Variants in ERC2 observed in about 807,000 individuals in gnomAD.
ERC2 encodes the protein ERC protein 2.
Under a neutral mutation model 114.8 loss-of-function variants are expected in ERC2, and 42 were observed. The ratio of observed to expected loss-of-function variants is 0.37; its 90% confidence interval spans 0.29 to 0.47. The LOEUF (loss-of-function observed/expected upper bound fraction) is 0.47. Among genes scored for constraint, ERC2 ranks in the 20% least tolerant of loss-of-function variants. The pLI, the probability that ERC2 is intolerant of heterozygous loss-of-function variation, is 0.99. For missense variants in ERC2, 939 were observed against 1,150.7 expected (o/e 0.82, Z 2.66); for synonymous variants, 454 against 425.5 (o/e 1.07, Z -0.82).
chr3:56,090,405 C>G (rs566463194), intron 6 of ERC2, among the ~76,000 whole-genome samples: 126 of 151,422 alleles, frequency 8.3e-4, no homozygotes, highest in Non-Finnish European at 1.5e-3. Context: ...TTGTGCCAGG[C>G]AACATTCTAG....
chr3:56,317,561 T>C (rs954344278), intron 2 of ERC2, among the ~76,000 whole-genome samples: 11 of 152,204 alleles, frequency 7.2e-5, no homozygotes, highest in Non-Finnish European at 1.6e-4. Flanking sequence ...ATTTTAATGA[T>C]AATCTAAAAA....
At chr3:55,833,363 G>A (rs1037751560) in intron 14 of ERC2, among the ~76,000 whole-genome samples, 1 of 151,172 alleles carries the variant, frequency 6.6e-6, no homozygotes, top group Non-Finnish European at 1.5e-5. Context: ...CAGAGAGAAA[G>A]GTCGGGTTAC....
intron 3 of ERC2, among the ~76,000 whole-genome samples, chr3:56,190,170 G>C (rs1022283554): frequency 2.0e-5 from 3 of 152,120 alleles, no homozygotes; most frequent in Non-Finnish European, 4.4e-5. Flanking sequence ...TGGTAACAGT[G>C]GTCCCTTCCT....
chr3:56,444,628 G>A (rs1247494547), intron 1 of ERC2, among the ~76,000 whole-genome samples: 1 of 152,166 alleles, frequency 6.6e-6, no homozygotes, highest in Non-Finnish European at 1.5e-5. Context: ...GGAAAAAGCA[G>A]GGGAGAACCT....
intron 1 of ERC2, among the ~76,000 whole-genome samples, chr3:56,448,342 A>T (rs2062676225): frequency 6.6e-6 from 1 of 152,254 alleles, no homozygotes; most frequent in African/African-American, 2.4e-5. Flanking sequence ...ATACATTTAA[A>T]GTTATAAACT....
chr3:55,687,013 G>C (rs1000709703), intron 16 of ERC2, among the ~76,000 whole-genome samples: 5 of 152,202 alleles, frequency 3.3e-5, no homozygotes, highest in Non-Finnish European at 7.3e-5. Context: ...AATAACCTCA[G>C]GACACATCTA....
chr3:56,409,438 T>TA, intron 2 of ERC2, among the ~76,000 whole-genome samples: 1 of 149,112 alleles, frequency 6.7e-6, no homozygotes, highest in Non-Finnish European at 1.5e-5. Context: ...ATGCTAAAAT[T>TA]AAAATTTATG....
intron 8 of ERC2, among the ~76,000 whole-genome samples, chr3:56,016,677 C>T (rs1221947702): frequency 6.6e-6 from 1 of 151,972 alleles, no homozygotes; most frequent in Non-Finnish European, 1.5e-5. Flanking sequence ...AGAAGAGAAG[C>T]CTCCTTTAGG....
rs568548802 is a variant in ERC2, at chr3:56,443,402, A to G, written c.-140-8255T>C. Reference sequence around the variant, plus strand: ...TATTTGGGAATTAGTTTCTCCCACAAAATTTATAAAGAGCAGGGGTGGTTT... The same window carrying G: ...TATTTGGGAATTAGTTTCTCCCACAGAATTTATAAAGAGCAGGGGTGGTTT... On this transcript the variant is annotated intron_variant, in intron 1 of 17. Transcript: ENST00000288221. Among the ~76,000 whole-genome samples, 14 of 152,320 alleles carry G rather than the reference A, an allele frequency of 9.2e-5. 1 individual carries two copies. The South Asian group carries it at 2.7e-3, about 29-fold the overall frequency.
intron 3 of ERC2, among the ~76,000 whole-genome samples, chr3:56,213,647 T>G (rs2049235125): frequency 1.3e-5 from 2 of 152,206 alleles, no homozygotes; most frequent in African/African-American, 4.8e-5. Context: ...TGTCCCTGTC[T>G]GACAGCTTGG....
intron 3 of ERC2, among the ~76,000 whole-genome samples, chr3:56,200,344 A>AC (rs1553874962): frequency 1.1e-5 from 1 of 92,982 alleles, no homozygotes; most frequent in Non-Finnish European, 2.4e-5. Context: ...TCAAATACTC[A>AC]GGGGAAAAAA....
intron 17 of ERC2, among the ~76,000 whole-genome samples, chr3:55,527,161 A>G (rs2053376911): frequency 2.0e-5 from 3 of 152,234 alleles, no homozygotes; most frequent in Non-Finnish European, 2.9e-5. Flanking sequence ...TTTGAGTCCA[A>G]TCGTGGCTTA....
chr3:55,871,565 C>T (rs1038358533), intron 14 of ERC2, among the ~76,000 whole-genome samples: 1 of 152,102 alleles, frequency 6.6e-6, no homozygotes, highest in East Asian at 1.9e-4. Flanking sequence ...CTTCAAAATC[C>T]GGAAGAGGCA....
chr3:56,281,436 CAAAAAAAAAAAAA>C (rs71099629), intron 3 of ERC2, among the ~76,000 whole-genome samples: 3 of 47,526 alleles, frequency 6.3e-5, no homozygotes, highest in African/African-American at 2.7e-4. Flanking sequence ...GACTCCGTCT[CAAAAAAAAAAAAA>C]AAAAAAAAAA....
chr3:56,131,197 T>C (rs1199559438), intron 6 of ERC2, among the ~76,000 whole-genome samples: 2 of 152,194 alleles, frequency 1.3e-5, no homozygotes, highest in Non-Finnish European at 2.9e-5. Context: ...TGCAGGTTTA[T>C]GTCTTTTTCT....
chr3:55,900,680 T>C (rs574192091), intron 13 of ERC2, among the ~76,000 whole-genome samples: 1 of 152,190 alleles, frequency 6.6e-6, no homozygotes, highest in Non-Finnish European at 1.5e-5. Flanking sequence ...GGCTTCCCTA[T>C]ATGTCACCTT....
At chr3:55,930,282 A>G (rs1438553360) in intron 13 of ERC2, among the ~76,000 whole-genome samples, 1 of 152,174 alleles carries the variant, frequency 6.6e-6, no homozygotes, top group Non-Finnish European at 1.5e-5. Flanking sequence ...ACCCAGTCTC[A>G]GGTAGTTTTT....
At chr3:56,167,622 T>G (rs927106567) in intron 4 of ERC2, among the ~76,000 whole-genome samples, 2 of 152,134 alleles carry the variant, frequency 1.3e-5, no homozygotes, top group East Asian at 3.8e-4. Context: ...TTGCTTTATA[T>G]TGGGGGGTCC....
intron 2 of ERC2, among the ~76,000 whole-genome samples, chr3:56,361,581 G>T (rs1038770653): frequency 6.6e-6 from 1 of 152,138 alleles, no homozygotes; most frequent in African/African-American, 2.4e-5. Flanking sequence ...GCACTAAGAG[G>T]GGTAAGAAAT....
Sources: allele counts gnomAD v4.1 joint callset (sites outside exome capture counted in the v4.1 genomes callset), GRCh38; gene constraint gnomAD v4.1.1; transcripts MANE v1.5; gene names NCBI Gene and HGNC (gene_info 2026-07-23, HGNC 2026-07-21).